MYRFL: variants seen among roughly 807,000 people sequenced by gnomAD.
MYRFL encodes the protein myelin regulatory factor-like protein.
A neutral mutation model predicts 109.4 loss-of-function variants in MYRFL; 88 were observed. The observed-to-expected ratio is 0.80, with a 90% CI of 0.68 to 0.96. The LOEUF (loss-of-function observed/expected upper bound fraction) is 0.96, where lower values mean the gene tolerates loss of function less well. Ranked by LOEUF, MYRFL falls within the 40% of genes least tolerant of loss-of-function variation. The pLI, the probability that MYRFL is intolerant of heterozygous loss-of-function variation, is 0.00. For synonymous variants in MYRFL, 324 were observed against 320.9 expected (o/e 1.01, Z -0.10); for missense variants, 957 against 954.9 (o/e 1.00, Z -0.03).
intron 5 of MYRFL, among the ~76,000 whole-genome samples, chr12:69,881,585 G>A (rs1415932748): frequency 4.6e-5 from 7 of 152,240 alleles, no homozygotes; most frequent in Non-Finnish European, 7.3e-5. Flanking sequence ...AGCGTGGGCT[G>A]TGGAGGCCTT....
At chr12:69,933,345 T>G (rs1955331164) in intron 16 of MYRFL, among the ~76,000 whole-genome samples, 1 of 152,182 alleles carries the variant, frequency 6.6e-6, no homozygotes, top group Non-Finnish European at 1.5e-5. Flanking sequence ...CTTGCCCGTC[T>G]TCTCTGGGCC....
chr12:69,917,005 C>T (rs1421559617), intron 13 of MYRFL, among the ~76,000 whole-genome samples: 2 of 152,124 alleles, frequency 1.3e-5, no homozygotes, highest in Non-Finnish European at 1.5e-5. Flanking sequence ...CCACGGCTCC[C>T]CTTCCCCAGC....
chr12:69,932,684 C>T (rs1336005155), intron 16 of MYRFL, 86 bp downstream of exon 16: 3 of 994,080 alleles, frequency 3.0e-6, no homozygotes, highest in African/African-American at 1.6e-5. Flanking sequence ...GGGGACTGGC[C>T]TGTTTACTTT....
chr12:69,854,111 G>C (rs908103617), intron 1 of MYRFL, among the ~76,000 whole-genome samples: 10 of 152,210 alleles, frequency 6.6e-5, no homozygotes, highest in Non-Finnish European at 5.9e-5. Flanking sequence ...TCGGGAGGCC[G>C]AGGCGGGCAG....
intron 10 of MYRFL, among the ~76,000 whole-genome samples, chr12:69,899,329 G>T (rs141709129): frequency 6.6e-6 from 1 of 152,340 alleles, no homozygotes; most frequent in Non-Finnish European, 1.5e-5. Flanking sequence ...TGGCATTATT[G>T]TTTGAATTAG....
At chr12:69,928,980 T>A (rs866745584) in intron 15 of MYRFL, among the ~76,000 whole-genome samples, 1 of 152,264 alleles carries the variant, frequency 6.6e-6, no homozygotes, top group Non-Finnish European at 1.5e-5. Flanking sequence ...TGCAGTTATC[T>A]CAGAATATTA....
At chr12:69,945,778 G>A (rs892313975) in intron 19 of MYRFL, among the ~76,000 whole-genome samples, 4 of 151,466 alleles carry the variant, frequency 2.6e-5, no homozygotes, top group Admixed American at 1.3e-4. Flanking sequence ...ACGAGGTCAG[G>A]AGATCGAGAC....
At chr12:69,945,838 T>A (rs1012173827) in intron 19 of MYRFL, among the ~76,000 whole-genome samples, 1 of 149,384 alleles carries the variant, frequency 6.7e-6, no homozygotes, top group Non-Finnish European at 1.5e-5. Flanking sequence ...ATACAAAAAA[T>A]TAGCCGGGCG....
At chr12:69,887,873 C>A (rs1433668729) in intron 6 of MYRFL, among the ~76,000 whole-genome samples, 2 of 152,070 alleles carry the variant, frequency 1.3e-5, no homozygotes, top group Non-Finnish European at 2.9e-5. Flanking sequence ...TGTGTCTTTT[C>A]TACTGTGTGC....
chr12:69,833,213 A>G (rs1199795966), intron 1 of MYRFL, among the ~76,000 whole-genome samples: 2 of 152,284 alleles, frequency 1.3e-5, no homozygotes, highest in African/African-American at 2.4e-5. Flanking sequence ...CCCAGATCAC[A>G]TTTTGGGATC....
chr12:69,855,068 A>T (rs1359140829), intron 1 of MYRFL, among the ~76,000 whole-genome samples: 1 of 152,216 alleles, frequency 6.6e-6, no homozygotes, highest in Non-Finnish European at 1.5e-5. Flanking sequence ...ACTTAACTGG[A>T]AATAATTTGG....
rs187768998 is a variant in MYRFL at position 69,933,255 on chromosome 12, A to G, written c.1916+657A>G. Among the ~76,000 whole-genome samples the G allele has an allele frequency of 1.0e-3, 159 of 151,986 alleles. 1 individual carries two copies. Among genetic ancestry groups the G allele is most frequent in the African/African-American group, 3.5e-3 (143 of 41,268 alleles). ...TTGCTAGAATGCAGGGCCCTTTCTC[A>G]GGCCTCTAGGCTTCTGCTGCTATGA... On this transcript the variant is annotated intron_variant, in intron 16 of 24. Transcript: ENST00000552032.
intron 7 of MYRFL, 43 bp downstream of exon 7, chr12:69,891,209 T>C (rs1170660332): frequency 2.9e-6 from 4 of 1,356,972 alleles, no homozygotes; most frequent in Non-Finnish European, 1.9e-6. Context: ...TCAACATTTA[T>C]TTTGTTTCAG....
chr12:69,864,759 G>T (rs913240855), intron 2 of MYRFL, among the ~76,000 whole-genome samples: 5 of 151,940 alleles, frequency 3.3e-5, no homozygotes, highest in African/African-American at 4.8e-5. Context: ...CGCTGCATGG[G>T]CTGAACTCAG....
At chr12:69,926,529 A>T (rs1340831337) in intron 13 of MYRFL, 42 bp from the exon 14 acceptor site, 5 of 1,438,432 alleles carry the variant, frequency 3.5e-6, no homozygotes, top group Non-Finnish European at 4.6e-6. Context: ...TAGTGATCTC[A>T]AATTGTTAAT....
At chr12:69,841,824 T>A (rs936624356) in intron 1 of MYRFL, among the ~76,000 whole-genome samples, 4 of 152,198 alleles carry the variant, frequency 2.6e-5, no homozygotes, top group African/African-American at 9.7e-5. Context: ...TCTATAAACT[T>A]CTTGAGCACA....
intron 1 of MYRFL, among the ~76,000 whole-genome samples, chr12:69,830,607 A>G (rs1474781377): frequency 6.6e-6 from 1 of 152,038 alleles, no homozygotes; most frequent in Non-Finnish European, 1.5e-5. Flanking sequence ...GAACAAGAAC[A>G]TGCCAAAGAC....
At chr12:69,918,510 G>A (rs1566024480) in intron 13 of MYRFL, among the ~76,000 whole-genome samples, 1 of 152,222 alleles carries the variant, frequency 6.6e-6, no homozygotes, top group South Asian at 2.1e-4. Context: ...TACAAGGAGT[G>A]GGGTGCAGGA....
chr12:69,938,752 G>A (rs987810859), intron 19 of MYRFL, among the ~76,000 whole-genome samples: 7 of 152,166 alleles, frequency 4.6e-5, no homozygotes, highest in Admixed American at 3.3e-4. Context: ...TGCAGAAGAC[G>A]GGTGATTTCT....
Sources: gnomAD v4.1 joint callset for allele counts (sites outside exome capture counted in the v4.1 genomes callset) on GRCh38, gnomAD v4.1.1 for gene constraint, MANE v1.5 for transcripts, NCBI Gene and HGNC (gene_info 2026-07-23, HGNC 2026-07-21) for gene names.